EYS: variants seen among roughly 807,000 people sequenced by gnomAD.
EYS encodes the protein EGF-like photoreceptor maintenance factor.
A neutral mutation model predicts 282.1 loss-of-function variants in EYS; 250 were observed. That is an observed-to-expected ratio of 0.89 (90% CI 0.80 to 0.98). EYS has a LOEUF of 0.98. Ranked by LOEUF, EYS falls within the 50% of genes least tolerant of loss-of-function variation. The probability of loss-of-function intolerance (pLI) is 0.00; values close to 1 mark genes in which losing one functional copy is unlikely to be tolerated. For missense variants in EYS, 4,016 were observed against 3,709.0 expected, an observed-to-expected ratio of 1.08 and a Z score of -2.15; for synonymous variants, 1,355 against 1,282.9, an observed-to-expected ratio of 1.06 and a Z score of -1.20.
At chr6:64,958,371 G>C (rs1263345256) in intron 14 of EYS, among the ~76,000 whole-genome samples, 2 of 151,658 alleles carry the variant, frequency 1.3e-5, no homozygotes, top group Non-Finnish European at 2.9e-5. Flanking sequence ...GACAGAGTGA[G>C]ACTCCATCTC....
At chr6:65,491,391 C>A (rs1766037737) in intron 4 of EYS, 1 of 310,142 alleles carries the variant, frequency 3.2e-6, no homozygotes, top group Non-Finnish European at 6.4e-6. Flanking sequence ...AATCCCAGGG[C>A]ATAGCAAGTG....
At chr6:64,821,159 G>A (rs561889649) in intron 21 of EYS, among the ~76,000 whole-genome samples, 29 of 151,974 alleles carry the variant, frequency 1.9e-4, no homozygotes, top group African/African-American at 6.5e-4. Context: ...TGAGACTCCT[G>A]AAGATTGAAA....
intron 28 of EYS, among the ~76,000 whole-genome samples, chr6:64,434,353 C>A (rs1306667491): frequency 6.6e-6 from 1 of 151,980 alleles, no homozygotes; most frequent in African/African-American, 2.4e-5. Flanking sequence ...GTTATGGCAG[C>A]CCAGCATCCT....
At chr6:64,055,857 G>A (rs1402369932) in intron 33 of EYS, among the ~76,000 whole-genome samples, 4 of 152,084 alleles carry the variant, frequency 2.6e-5, no homozygotes, top group African/African-American at 7.2e-5. Context: ...GGGGATACCT[G>A]CCTAGTTTAT....
intron 22 of EYS, among the ~76,000 whole-genome samples, chr6:64,646,708 G>A (rs1768365328): frequency 6.6e-6 from 1 of 151,900 alleles, no homozygotes; most frequent in African/African-American, 2.4e-5. Context: ...AGGAGGCTGA[G>A]GCAGGAGAAT....
Position 65,224,851 on chromosome 6 carries a change from CA to C in EYS, c.2023+71011del, listed in dbSNP as rs1306028970. Among the ~76,000 whole-genome samples the C allele has an allele frequency of 4.0e-5, 6 of 151,816 alleles. No individual in the cohort carries two copies. The East Asian group carries it at 1.2e-3, about 29-fold the overall frequency. On this transcript the variant is annotated intron_variant, in intron 12 of 42. Transcript: ENST00000503581. ...AAATTCTTGAAAAAATACAAACTAC[CA>C]AAAATGAGTCAGGAAGAAATGCAAA...
chr6:64,688,093 T>C lies in EYS; in HGVS notation c.3444-61848A>G, dbSNP rs547247349. The stretch of plus-strand genomic sequence containing the variant: ...GTATCCCCTTTATCATTTTTTATTG[T>C]GTCTATTTGATTCTTCTCTCTTTTC... On this transcript the variant is annotated intron_variant, in intron 22 of 42. Transcript: ENST00000503581. 3.9e-5 allele frequency among the ~76,000 whole-genome samples: 6 copies of C among 152,174 alleles called. No individual in the cohort carries two copies. In the South Asian group the frequency reaches 1.0e-3, roughly 26 times the overall value.
intron 22 of EYS, among the ~76,000 whole-genome samples, chr6:64,764,044 C>T (rs1229563945): frequency 2.6e-5 from 4 of 152,130 alleles, no homozygotes; most frequent in Non-Finnish European, 2.9e-5. Flanking sequence ...CATTGAGGGC[C>T]GGAGGCTTTT....
chr6:65,574,092 C>T (rs1764574029), intron 2 of EYS, among the ~76,000 whole-genome samples: 1 of 152,132 alleles, frequency 6.6e-6, no homozygotes, highest in South Asian at 2.1e-4. Flanking sequence ...GCTATTACTG[C>T]CCCAGTTCCC....
intron 22 of EYS, among the ~76,000 whole-genome samples, chr6:64,793,331 A>G (rs1774247457): frequency 6.6e-6 from 1 of 152,134 alleles, no homozygotes; most frequent in Admixed American, 6.6e-5. Flanking sequence ...AAAATGTAAG[A>G]ATTTGATAGC....
intron 26 of EYS, among the ~76,000 whole-genome samples, chr6:64,450,925 C>A (rs571461363): frequency 6.6e-6 from 1 of 152,016 alleles, no homozygotes; most frequent in South Asian, 2.1e-4. Flanking sequence ...AAAATTGAGA[C>A]CCTAACATCA....
chr6:65,590,159 G>T (rs1765182655), intron 2 of EYS, among the ~76,000 whole-genome samples: 2 of 151,962 alleles, frequency 1.3e-5, no homozygotes, highest in Admixed American at 1.3e-4. Context: ...GATGTAGCAA[G>T]ATGAGTGTCA....
At chr6:64,500,422 C>A (rs1024135681) in intron 26 of EYS, among the ~76,000 whole-genome samples, 1 of 152,018 alleles carries the variant, frequency 6.6e-6, no homozygotes, top group African/African-American at 2.4e-5. Context: ...TACACAACAT[C>A]TATAATATAA....
intron 8 of EYS, among the ~76,000 whole-genome samples, chr6:65,360,324 T>C (rs1020763163): frequency 2.6e-5 from 4 of 151,964 alleles, no homozygotes; most frequent in African/African-American, 9.7e-5. Flanking sequence ...GTCAAAACCT[T>C]CTATGGAAAA....
At chr6:65,617,536 T>A (rs1313702505) in intron 2 of EYS, among the ~76,000 whole-genome samples, 1 of 151,634 alleles carries the variant, frequency 6.6e-6, no homozygotes, top group Admixed American at 6.6e-5. Context: ...TATGGTATTA[T>A]TTATAATATA....
At position 65,193,975 on chromosome 6, in the gene EYS, A is replaced by C. The variant is rs1765704608; in HGVS notation, c.2023+101888T>G. On this transcript the variant is annotated intron_variant, in intron 12 of 42. Transcript: ENST00000503581. ...TTTCAATTAAAGGTTGGTTTGGGGA[A>C]AAAATTGCCTTTCCTTATGAATAAT... Among the ~76,000 whole-genome samples, 5 of 152,044 alleles carry C rather than the reference A, an allele frequency of 3.3e-5. No individual in the cohort carries two copies. In the South Asian group the frequency reaches 1.0e-3, roughly 32 times the overall value.
chr6:65,449,286 C>T (rs193056739), intron 5 of EYS, among the ~76,000 whole-genome samples: 9 of 152,052 alleles, frequency 5.9e-5, no homozygotes, highest in Admixed American at 1.3e-4. Context: ...ATAGCATAGA[C>T]GGCCAGTCAT....
intron 31 of EYS, among the ~76,000 whole-genome samples, chr6:64,220,141 C>G (rs1275316394): frequency 6.6e-6 from 1 of 152,106 alleles, no homozygotes; most frequent in African/African-American, 2.4e-5. Flanking sequence ...TGTAACAAAC[C>G]TGCACATTGT....
At chr6:65,183,856 T>G (rs1462722110) in intron 12 of EYS, among the ~76,000 whole-genome samples, 5 of 151,814 alleles carry the variant, frequency 3.3e-5, no homozygotes, top group African/African-American at 1.2e-4. Context: ...GAAATAAAAT[T>G]TTCTCAAGCA....
Sources: allele counts gnomAD v4.1 joint callset (sites outside exome capture counted in the v4.1 genomes callset), GRCh38; gene constraint gnomAD v4.1.1; transcripts MANE v1.5; gene names NCBI Gene and HGNC (gene_info 2026-07-23, HGNC 2026-07-21).